Variants in AGBL1 observed in about 807,000 individuals in gnomAD.
AGBL1 encodes the protein cytosolic carboxypeptidase 4.
AGBL1 carries 130 observed loss-of-function variants against 118.9 expected under a neutral mutation model. The ratio of observed to expected loss-of-function variants is 1.09; its 90% confidence interval spans 0.95 to 1.26. The LOEUF (loss-of-function observed/expected upper bound fraction) is 1.26, where lower values mean the gene tolerates loss of function less well. AGBL1 is among the 50% of genes most tolerant of loss of function. The pLI is 0.00. For missense variants in AGBL1, 1,584 were observed against 1,298.1 expected, an observed-to-expected ratio of 1.22 and a Z score of -3.38; for synonymous variants, 555 against 478.9, an observed-to-expected ratio of 1.16 and a Z score of -2.08.
chr15:86,421,526 CTA>C (rs1239008944), intron 18 of AGBL1, among the ~76,000 whole-genome samples: 1 of 152,200 alleles, frequency 6.6e-6, no homozygotes, highest in Non-Finnish European at 1.5e-5. Flanking sequence ...AACATTGACA[CTA>C]TGAAGAAACT....
intron 23 of AGBL1, among the ~76,000 whole-genome samples, chr15:86,977,142 T>C (rs993154223): frequency 1.3e-5 from 2 of 152,078 alleles, no homozygotes; most frequent in African/African-American, 4.8e-5. Flanking sequence ...CTATAAGTTA[T>C]GAGGTAACAT....
chr15:86,314,399 G>T (rs1017808429), intron 17 of AGBL1, among the ~76,000 whole-genome samples: 1 of 152,136 alleles, frequency 6.6e-6, no homozygotes, highest in East Asian at 1.9e-4. Context: ...AGCTGGGAAT[G>T]AATTCACATT....
chr15:86,665,235 T>C (rs1461144262), intron 21 of AGBL1, among the ~76,000 whole-genome samples: 3 of 152,212 alleles, frequency 2.0e-5, no homozygotes, highest in Non-Finnish European at 2.9e-5. Flanking sequence ...CTGTCTCTGT[T>C]GCTCATTTTA....
intron 18 of AGBL1, among the ~76,000 whole-genome samples, chr15:86,467,289 A>G (rs992137203): frequency 6.6e-6 from 1 of 152,088 alleles, no homozygotes; most frequent in Non-Finnish European, 1.5e-5. Context: ...AAAACTGCCT[A>G]CTCAAGCCTC....
chr15:86,597,440 G>T (rs2084427899), intron 21 of AGBL1, among the ~76,000 whole-genome samples: 1 of 152,092 alleles, frequency 6.6e-6, no homozygotes, highest in African/African-American at 2.4e-5. Context: ...CAGAGAAATT[G>T]GAAAATTCTG....
chr15:86,689,434 A>G (rs915492035), intron 22 of AGBL1, among the ~76,000 whole-genome samples: 1 of 152,146 alleles, frequency 6.6e-6, no homozygotes, highest in Non-Finnish European at 1.5e-5. Context: ...CTGAATCCCT[A>G]GCACCTAGAA....
At chr15:86,433,471 C>G (rs1400886794) in intron 18 of AGBL1, among the ~76,000 whole-genome samples, 1 of 152,016 alleles carries the variant, frequency 6.6e-6, no homozygotes, top group African/African-American at 2.4e-5. Flanking sequence ...CTGAATGAAA[C>G]ATTGAATGAA....
Position 86,912,953 on chromosome 15 carries a change from G to A in AGBL1, c.*5659G>A, listed in dbSNP as rs1159043748. On this transcript the variant is annotated 3_prime_UTR_variant, in exon 23 of 23. Transcript: ENST00000614907. Reference sequence around the variant, plus strand: ...GGAGCCTGCTGCTGTCTTCCCAACAGATGTCCTCTTTTGTTTGTGTTGCAG... The same window carrying A: ...GGAGCCTGCTGCTGTCTTCCCAACAAATGTCCTCTTTTGTTTGTGTTGCAG... The A allele has an allele frequency of 6.6e-6, 1 of 152,088 alleles. No homozygotes were observed. Among genetic ancestry groups the A allele is most frequent in the Non-Finnish European group, 1.5e-5 (1 of 68,038 alleles). The allele number at this position is 152,088 out of a possible 1,614,324, so 9.4% of individuals were successfully genotyped here. A position where few individuals can be genotyped will look rare whatever the true frequency, so the allele number is the denominator to read the frequency against.
intron 17 of AGBL1, among the ~76,000 whole-genome samples, chr15:86,313,436 T>G (rs1027976149): frequency 2.0e-5 from 3 of 152,228 alleles, no homozygotes; most frequent in African/African-American, 7.2e-5. Context: ...TAAGTTGTTA[T>G]GAAAAGCAAG....
intron 17 of AGBL1, among the ~76,000 whole-genome samples, chr15:86,333,670 C>T (rs1424490069): frequency 6.6e-6 from 1 of 152,166 alleles, no homozygotes; most frequent in African/African-American, 2.4e-5. Flanking sequence ...TGGACTCCTT[C>T]CTAACTTATT....
At chr15:86,885,237 C>G (rs911994858) in intron 22 of AGBL1, among the ~76,000 whole-genome samples, 1 of 152,004 alleles carries the variant, frequency 6.6e-6, no homozygotes, top group African/African-American at 2.4e-5. Context: ...TATGCATTAT[C>G]TTAAATTATT....
intron 22 of AGBL1, among the ~76,000 whole-genome samples, chr15:86,691,705 A>G (rs1199300493): frequency 6.6e-6 from 1 of 152,176 alleles, no homozygotes; most frequent in Non-Finnish European, 1.5e-5. Context: ...AAGTTTTACT[A>G]TATTAAACCG....
chr15:86,681,588 C>T (rs1325823991), intron 22 of AGBL1, among the ~76,000 whole-genome samples: 1 of 152,144 alleles, frequency 6.6e-6, no homozygotes, highest in Non-Finnish European at 1.5e-5. Context: ...GCTCTTCCAA[C>T]TTCTTTTCCT....
intron 17 of AGBL1, among the ~76,000 whole-genome samples, chr15:86,333,918 T>G (rs1194589949): frequency 1.3e-5 from 2 of 151,920 alleles, no homozygotes; most frequent in African/African-American, 2.4e-5. Context: ...GCATAAAAAT[T>G]TAAAACAAAA....
intron 22 of AGBL1, among the ~76,000 whole-genome samples, chr15:86,692,724 G>A (rs934842698): frequency 2.6e-5 from 4 of 152,068 alleles, no homozygotes; most frequent in East Asian, 1.9e-4. Context: ...CAGTATACAC[G>A]GAATCCAATT....
At chr15:86,385,702 G>A (rs2081173871) in intron 17 of AGBL1, among the ~76,000 whole-genome samples, 1 of 152,116 alleles carries the variant, frequency 6.6e-6, no homozygotes, top group Non-Finnish European at 1.5e-5. Context: ...ACATGAATGG[G>A]CACATAGTCC....
chr15:86,199,031 T>C (rs1212838878), intron 5 of AGBL1, among the ~76,000 whole-genome samples: 1 of 152,216 alleles, frequency 6.6e-6, no homozygotes, highest in African/African-American at 2.4e-5. Context: ...TTCTAGTCGC[T>C]TTAATACTTA....
At chr15:86,752,435 A>C (rs2077868331) in intron 22 of AGBL1, among the ~76,000 whole-genome samples, 1 of 152,122 alleles carries the variant, frequency 6.6e-6, no homozygotes, top group Non-Finnish European at 1.5e-5. Context: ...TTTATCTGGT[A>C]CAAAAGGGAT....
intron 18 of AGBL1, among the ~76,000 whole-genome samples, chr15:86,400,109 G>T (rs2081422729): frequency 6.6e-6 from 1 of 152,052 alleles, no homozygotes; most frequent in Non-Finnish European, 1.5e-5. Flanking sequence ...CGTAACACAT[G>T]GTTTATCTAA....
Sources: gnomAD v4.1 joint callset for allele counts (sites outside exome capture counted in the v4.1 genomes callset) on GRCh38, gnomAD v4.1.1 for gene constraint, MANE v1.5 for transcripts, NCBI Gene and HGNC (gene_info 2026-07-23, HGNC 2026-07-21) for gene names.